Variants in COMMD1 observed in about 807,000 individuals in gnomAD.
COMMD1 encodes COMM domain-containing protein 1.
Under a neutral mutation model 17.2 loss-of-function variants are expected in COMMD1, and 10 were observed. The ratio of observed to expected loss-of-function variants is 0.58; its 90% confidence interval spans 0.36 to 0.99. COMMD1 has a LOEUF of 0.99. Ranked by LOEUF, COMMD1 falls within the 50% of genes least tolerant of loss-of-function variation. The pLI is 0.01. For missense variants in COMMD1, 270 were observed against 231.8 expected, an observed-to-expected ratio of 1.17 and a Z score of -1.07; for synonymous variants, 97 against 91.6, an observed-to-expected ratio of 1.06 and a Z score of -0.34.
At position 61,923,197 on chromosome 2, in the gene COMMD1, T is replaced by G. The variant is rs115532479; in HGVS notation, c.180+17339T>G. On this transcript the variant is annotated intron_variant, in intron 1 of 2. Coordinates refer to ENST00000311832, the MANE Select transcript of COMMD1 (RefSeq NM_152516.4). ...TCAAGATTTTTAAATTATTAAATTA[T>G]AAACCTTCAATATTTCATTAGATTA... Among the ~76,000 whole-genome samples, 580 of 152,320 alleles carry G rather than the reference T, an allele frequency of 3.8e-3. 3 individuals carry two copies. Among genetic ancestry groups the G allele is most frequent in the Non-Finnish European group, 6.8e-3 (461 of 68,022 alleles).
intron 2 of COMMD1, among the ~76,000 whole-genome samples, chr2:62,026,380 G>T (rs1669757868): frequency 6.6e-6 from 1 of 152,006 alleles, no homozygotes; most frequent in Non-Finnish European, 1.5e-5. Flanking sequence ...TAAAGAAAAG[G>T]GTGGGTGGTG....
At chr2:62,086,856 TG>T (rs1671685354) in intron 2 of COMMD1, among the ~76,000 whole-genome samples, 1 of 150,112 alleles carries the variant, frequency 6.7e-6, no homozygotes, top group South Asian at 2.1e-4. Context: ...TTTTTGTTTT[TG>T]TTTTTTTTTT....
chr2:61,954,798 C>T (rs542114950), intron 1 of COMMD1, among the ~76,000 whole-genome samples: 1 of 152,136 alleles, frequency 6.6e-6, no homozygotes, highest in African/African-American at 2.4e-5. Flanking sequence ...TCTCCTACCT[C>T]AGCCTCCTAA....
At chr2:62,125,475 T>G (rs1220562946) in intron 2 of COMMD1, among the ~76,000 whole-genome samples, 7 of 152,160 alleles carry the variant, frequency 4.6e-5, no homozygotes, top group African/African-American at 7.2e-5. Context: ...TTTTTTTCTG[T>G]TTTGTTAGCA....
intron 1 of COMMD1, among the ~76,000 whole-genome samples, chr2:61,925,965 TTTTTTG>T (rs1435700538): frequency 9.9e-5 from 15 of 151,720 alleles, no homozygotes; most frequent in East Asian, 1.9e-4. Flanking sequence ...TTGTTTTTTG[TTTTTTG>T]TTTTTGTTTT....
intron 1 of COMMD1, among the ~76,000 whole-genome samples, chr2:61,941,727 G>T (rs1301117641): frequency 1.3e-5 from 2 of 152,090 alleles, no homozygotes; most frequent in African/African-American, 2.4e-5. Flanking sequence ...TGAGCTTTGG[G>T]TCCTGCATTA....
At chr2:61,962,317 C>T (rs904480795) in intron 1 of COMMD1, among the ~76,000 whole-genome samples, 12 of 152,166 alleles carry the variant, frequency 7.9e-5, no homozygotes, top group African/African-American at 2.9e-4. Flanking sequence ...GTTCCTAGGA[C>T]AGAGGCTTTA....
chr2:62,055,348 C>A, intron 2 of COMMD1: 1 of 443,356 alleles, frequency 2.3e-6, no homozygotes, highest in Non-Finnish European at 4.5e-6. Context: ...GGGGAAAGAC[C>A]CAATGATGAG....
chr2:61,941,149 T>G (rs1227872498), intron 1 of COMMD1, among the ~76,000 whole-genome samples: 1 of 151,946 alleles, frequency 6.6e-6, no homozygotes, highest in African/African-American at 2.4e-5. Context: ...TGCCTCAGCC[T>G]CTCAAGTAGC....
chr2:62,056,664 G>A (rs760544036), intron 2 of COMMD1, among the ~76,000 whole-genome samples: 4 of 152,186 alleles, frequency 2.6e-5, no homozygotes, highest in Non-Finnish European at 5.9e-5. Context: ...TTGAGCCAAG[G>A]CCTTCTTTCT....
chr2:61,898,814 C>G (rs779464420), intron 1 of COMMD1, among the ~76,000 whole-genome samples: 7 of 152,166 alleles, frequency 4.6e-5, no homozygotes, highest in Non-Finnish European at 1.0e-4. Flanking sequence ...GCTTCAGGGT[C>G]TTTTTCTTAC....
At chr2:62,007,542 A>G (rs1669154715) in intron 2 of COMMD1, among the ~76,000 whole-genome samples, 1 of 152,252 alleles carries the variant, frequency 6.6e-6, no homozygotes, top group East Asian at 1.9e-4. Context: ...ATAAGATGAT[A>G]ATACTGTATT....
At chr2:62,005,002 A>G (rs185944375) in intron 2 of COMMD1, among the ~76,000 whole-genome samples, 23 of 152,308 alleles carry the variant, frequency 1.5e-4, no homozygotes, top group Admixed American at 1.5e-3. Flanking sequence ...TACTGTCTTC[A>G]GTTTATATCA....
At chr2:62,038,746 A>G (rs918615920) in intron 2 of COMMD1, among the ~76,000 whole-genome samples, 4 of 151,896 alleles carry the variant, frequency 2.6e-5, no homozygotes, top group Non-Finnish European at 5.9e-5. Flanking sequence ...CCGGGGTTTC[A>G]CCATGTTGCC....
chr2:62,084,330 CAT>C (rs1289102575), intron 2 of COMMD1, among the ~76,000 whole-genome samples: 3 of 152,064 alleles, frequency 2.0e-5, no homozygotes, highest in Non-Finnish European at 2.9e-5. Flanking sequence ...TTGATTAACA[CAT>C]ATCTTTTATG....
intron 2 of COMMD1, among the ~76,000 whole-genome samples, chr2:62,035,739 C>T (rs1183904167): frequency 9.5e-6 from 1 of 105,162 alleles, no homozygotes; most frequent in East Asian, 2.9e-4. Context: ...GACTCTGTCT[C>T]AATTAAAAAA....
chr2:62,068,556 A>G (rs1671115931), intron 2 of COMMD1, among the ~76,000 whole-genome samples: 1 of 151,668 alleles, frequency 6.6e-6, no homozygotes, highest in African/African-American at 2.4e-5. Flanking sequence ...ACCTCTAAGG[A>G]TAAGATTGGA....
chr2:62,111,226 A>T (rs903765349), intron 2 of COMMD1, among the ~76,000 whole-genome samples: 26 of 152,230 alleles, frequency 1.7e-4, no homozygotes, highest in African/African-American at 5.8e-4. Flanking sequence ...TGGAAAAAGT[A>T]TAATACCTTT....
intron 1 of COMMD1, among the ~76,000 whole-genome samples, chr2:61,964,082 T>C (rs1671442856): frequency 6.6e-6 from 1 of 152,222 alleles, no homozygotes; most frequent in South Asian, 2.1e-4. Context: ...CGGAAGTAGA[T>C]AGTGTTTCCC....
Sources: allele counts gnomAD v4.1 joint callset (sites outside exome capture counted in the v4.1 genomes callset), GRCh38; gene constraint gnomAD v4.1.1; transcripts MANE v1.5; gene names NCBI Gene and HGNC (gene_info 2026-07-23, HGNC 2026-07-21).